The following CARD9 variants were observed in gnomAD, a reference collection of about 807,000 sequenced individuals.
CARD9 encodes the protein caspase recruitment domain-containing protein 9.
CARD9 carries 53 observed loss-of-function variants against 66.0 expected under a neutral mutation model. The observed-to-expected ratio is 0.80, with a 90% CI of 0.64 to 1.01. CARD9 has a LOEUF of 1.01. Among genes scored for constraint, CARD9 ranks in the 50% least tolerant of loss-of-function variants. The pLI is 0.00. For synonymous variants in CARD9, 387 were observed against 313.8 expected (o/e 1.23, Z -2.47); for missense variants, 769 against 743.2 (o/e 1.03, Z -0.40).
chr9:136,367,709 C>G lies in CARD9; in HGVS notation c.1197G>C (p.Val399=). 6.2e-7 allele frequency: 1 copy of G among 1,604,142 alleles called. No homozygotes were observed. Among genetic ancestry groups the G allele is most frequent in the Non-Finnish European group, 8.5e-7 (1 of 1,179,168 alleles). The stretch of plus-strand genomic sequence containing the variant: ...CCAGTAGCTGCGCCTCACACTGGAA[C>G]ACCTGCAGCTGCAGCTCATCCGCCT... ...GEKADELQLQ[V]FQCEAQLLAV... Residue 399 remains valine (V), a synonymous_variant, in exon 8 of 13, where the codon GTG becomes GTC. Coordinates refer to ENST00000371732, the MANE Select transcript of CARD9 (RefSeq NM_052813.5).
intron 1 of CARD9, among the ~76,000 whole-genome samples, chr9:136,372,432 A>G (rs1020009322): frequency 6.6e-6 from 1 of 152,188 alleles, no homozygotes; most frequent in East Asian, 1.9e-4. Context: ...CTCCCCCTAC[A>G]GCATGACCCC....
intron 1 of CARD9, among the ~76,000 whole-genome samples, chr9:136,372,805 G>A (rs745306566): frequency 9.2e-5 from 14 of 152,204 alleles, no homozygotes; most frequent in African/African-American, 1.9e-4. Flanking sequence ...ACCCCCTGCC[G>A]GCCCCGCAAC....
At chr9:136,367,990 G>C (rs760859865) in intron 7 of CARD9, 162 bp from the exon 8 acceptor site, 8 of 1,425,712 alleles carry the variant, frequency 5.6e-6, no homozygotes, top group Non-Finnish European at 7.3e-6. Flanking sequence ...CGGACACGAA[G>C]TCAGCACGTG....
chr9:136,366,445 G>C, intron 10 of CARD9: 1 of 365,958 alleles, frequency 2.7e-6, no homozygotes. Flanking sequence ...GGAGCAGCCA[G>C]GACTGGGCCT....
chr9:136,366,501 T>A (rs1833126840), intron 10 of CARD9: 4 of 499,416 alleles, frequency 8.0e-6, no homozygotes, highest in South Asian at 4.4e-5. Context: ...GGCCCCACAC[T>A]CTCAGGACGG....
In CARD9 at chr9:136,371,418, G is replaced by A. The variant is rs11145769; in HGVS notation, c.228C>T (p.Tyr76=). 56,184 of 1,588,452 alleles carry A rather than the reference G, an allele frequency of 0.035. 1,215 individuals carry two copies. Among genetic ancestry groups the A allele is most frequent in the East Asian group, 0.1 (4,478 of 43,894 alleles). The change falls in exon 3 of 13, where the codon TAC becomes TAT. Residue 76 remains tyrosine, a synonymous_variant. Coordinates refer to ENST00000371732, the MANE Select transcript of CARD9 (RefSeq NM_052813.5). ...GCTCCAGGCTCTCGAGGAAGGCCAC[G>A]TAGCCCTTGTGGCCGGTCCGCTGCA... is the stretch of plus-strand genomic sequence containing the variant. ...DILQRTGHKG[Y]VAFLESLELY...
At chr9:136,368,486 G>A (rs1032440009) in intron 7 of CARD9, among the ~76,000 whole-genome samples, 25 of 152,244 alleles carry the variant, frequency 1.6e-4, no homozygotes, top group African/African-American at 5.8e-4. Flanking sequence ...GGAGCTCTGA[G>A]CCTGGGCTGC....
At chr9:136,373,357 C>T (rs191186371) in intron 1 of CARD9, among the ~76,000 whole-genome samples, 175 bp downstream of exon 1, 65 of 152,366 alleles carry the variant, frequency 4.3e-4, no homozygotes, top group Non-Finnish European at 8.2e-4. Flanking sequence ...CGTAATTCCA[C>T]TGAAATGAAC....
chr9:136,372,115 C>T (rs1189534497), intron 1 of CARD9, 21 bp from the exon 2 acceptor site: 1 of 1,610,772 alleles, frequency 6.2e-7, no homozygotes, highest in Non-Finnish European at 8.5e-7. Flanking sequence ...TGGGGCAGTG[C>T]TGAGAGCGAT....
Position 136,367,198 on chromosome 9 carries a change from G to C in CARD9, c.1311+18C>G. On this transcript the variant is annotated intron_variant, in intron 9 of 12. Coordinates refer to ENST00000371732, the MANE Select transcript of CARD9 (RefSeq NM_052813.5). ...GGTGAAGGAAGGCCAGCCTCGTGCT[G>C]GCTGGGGTCTCACTCACCTCCTGGG... The C allele has an allele frequency of 6.2e-7, 1 of 1,611,310 alleles. No homozygotes were observed. The highest frequency in any genetic ancestry group is 8.5e-7 in the Non-Finnish European group (1 of 1,179,286).
In CARD9 at chr9:136,364,031, T is replaced by G. The variant is rs1012838540; in HGVS notation, c.*271A>C. ...TACAATGCATGCATGTATTGTGTGT[T>G]ACATGGTGAAACAGAACAGATCCTG... On this transcript the variant is annotated 3_prime_UTR_variant, in exon 13 of 13. Coordinates refer to ENST00000371732, the MANE Select transcript of CARD9 (RefSeq NM_052813.5). The G allele has an allele frequency of 4.8e-6, 7 of 1,471,790 alleles. No homozygotes were observed. In the African/African-American group the frequency reaches 7.0e-5, roughly 15 times the overall value. The allele number at this position is 1,471,790 out of a possible 1,614,324, so 91.2% of individuals were successfully genotyped here.
At chr9:136,368,711 C>CAAG (rs1833185633) in intron 7 of CARD9, among the ~76,000 whole-genome samples, 2 of 152,238 alleles carry the variant, frequency 1.3e-5, no homozygotes, top group Admixed American at 6.5e-5. Context: ...GGAGGCCTTG[C>CAAG]AGGCCTCACT....
In CARD9 at chr9:136,364,143, G is replaced by A. The variant is rs1179480377; in HGVS notation, c.*159C>T. The A allele has an allele frequency of 6.4e-7, 1 of 1,550,552 alleles. No individual in the cohort carries two copies. The highest frequency in any genetic ancestry group is 2.0e-5 in the Admixed American group (1 of 51,004). The stretch of plus-strand genomic sequence containing the variant: ...GTGCCGCTTAACAAACGGCCCCAAT[G>A]CCCGGCAGTCCGGCTGGGCCTTTCA... On this transcript the variant is annotated 3_prime_UTR_variant, in exon 13 of 13. Coordinates refer to ENST00000371732, the MANE Select transcript of CARD9 (RefSeq NM_052813.5).
Position 136,370,611 on chromosome 9 carries a change from G to A in CARD9, c.718C>T (p.Gln240Ter), listed in dbSNP as rs759803953. Reference sequence around the variant, plus strand: ...CACAGCAGCTCCTGGCTGGGCCGCTGCTCCATGGCGTGCCTGAGCTTCAGC... The same window carrying A: ...CACAGCAGCTCCTGGCTGGGCCGCTACTCCATGGCGTGCCTGAGCTTCAGC... ...HTLKLRHAMEQRPSQELLWEL... is the reference protein window; with the variant it reads ...HTLKLRHAME The change falls in exon 5 of 13, where the codon CAG (glutamine) becomes TAG (stop). Residue 240 changes from glutamine (Q) to a stop codon, truncating the protein, a stop_gained. Coordinates refer to ENST00000371732, the MANE Select transcript of CARD9 (RefSeq NM_052813.5). LOFTEE classifies it high-confidence loss of function. 1 of 1,612,678 alleles carries A rather than the reference G, an allele frequency of 6.2e-7. No homozygotes were observed. The highest frequency in any genetic ancestry group is 1.1e-5 in the South Asian group (1 of 91,086).
At chr9:136,365,467 T>G in intron 10 of CARD9, 1 of 550,146 alleles carries the variant, frequency 1.8e-6, no homozygotes, top group Non-Finnish European at 3.3e-6. Flanking sequence ...TGACCATCCC[T>G]CCCCCGAGCT....
intron 1 of CARD9, among the ~76,000 whole-genome samples, chr9:136,372,801 T>C (rs776493009): frequency 7.2e-5 from 11 of 152,226 alleles, no homozygotes; most frequent in Non-Finnish European, 1.6e-4. Context: ...TGTCACCCCC[T>C]GCCGGCCCCG....
intron 12 of CARD9, 25 bp from the exon 13 acceptor site, chr9:136,364,426 C>G (rs1420640472): frequency 3.9e-6 from 6 of 1,542,338 alleles, no homozygotes; most frequent in Non-Finnish European, 5.2e-6. Flanking sequence ...GTCTCAGGCG[C>G]GACCCGGCTG....
At chr9:136,369,342 G>T (rs77922980) in intron 7 of CARD9, among the ~76,000 whole-genome samples, 1 of 152,206 alleles carries the variant, frequency 6.6e-6, no homozygotes, top group African/African-American at 2.4e-5. Context: ...TATATAAATA[G>T]ATAGATAGGT....
chr9:136,370,953 C>T lies in CARD9; in HGVS notation c.515G>A (p.Ser172Asn), dbSNP rs201802044. The change falls in exon 4 of 13, where the codon AGC (serine) becomes AAC (asparagine). Residue 172 changes from serine (S) to asparagine (N), a missense_variant. Physicochemically the swap from Ser to Asn is conservative, Grantham distance 46. Coordinates refer to ENST00000371732, the MANE Select transcript of CARD9 (RefSeq NM_052813.5). The part of the protein sequence containing the change: ...QRLKEECEAG[S>N]RELKRCKEEN... ...CTCCTTGCAGCGCTTGAGCTCGCGGCTGCCGGCCTCGCACTCCTCCTTGAG... is the reference window on the plus strand; with the variant it reads ...CTCCTTGCAGCGCTTGAGCTCGCGGTTGCCGGCCTCGCACTCCTCCTTGAG... The T allele has an allele frequency of 2.7e-4, 428 of 1,611,214 alleles. No individual in the cohort carries two copies. Among genetic ancestry groups the T allele is most frequent in the Middle Eastern group, 3.3e-4 (2 of 6,026 alleles).
Sources: gnomAD v4.1 joint callset for allele counts (sites outside exome capture counted in the v4.1 genomes callset) on GRCh38, gnomAD v4.1.1 for gene constraint, MANE v1.5 for transcripts, NCBI Gene and HGNC (gene_info 2026-07-23, HGNC 2026-07-21) for gene names.